The following PCDH12 variants were observed in gnomAD, a reference collection of about 807,000 sequenced individuals.
PCDH12 encodes the protein protocadherin-12.
Under a neutral mutation model 70.9 loss-of-function variants are expected in PCDH12, and 45 were observed. The observed-to-expected ratio is 0.63, with a 90% CI of 0.50 to 0.81. PCDH12 has a LOEUF of 0.81. PCDH12 is among the 40% of genes least tolerant of loss of function. The probability of loss-of-function intolerance (pLI) is 0.00; values close to 1 mark genes in which losing one functional copy is unlikely to be tolerated. For missense variants in PCDH12, 1,370 were observed against 1,491.7 expected (o/e 0.92, Z 1.34); for synonymous variants, 567 against 626.0 (o/e 0.91, Z 1.41).
intron 2 of PCDH12, among the ~76,000 whole-genome samples, chr5:141,951,244 C>T (rs1280073703): frequency 6.6e-6 from 1 of 152,212 alleles, no homozygotes; most frequent in African/African-American, 2.4e-5. Context: ...TCCTTGGTGA[C>T]TACTGTATTG....
intron 2 of PCDH12, among the ~76,000 whole-genome samples, chr5:141,950,848 TG>T (rs1386583576): frequency 2.6e-5 from 4 of 152,226 alleles, no homozygotes; most frequent in South Asian, 2.1e-4. Flanking sequence ...TGTCAGTTGC[TG>T]GGCTATGGGC....
chr5:141,954,988 T>C lies in PCDH12; in HGVS notation c.2864A>G (p.Asp955Gly). The change falls in exon 1 of 4, where the codon GAT (aspartate) becomes GGT (glycine). Residue 955 changes from aspartate (D) to glycine (G), a missense_variant. Transcript: ENST00000231484. The stretch of plus-strand genomic sequence containing the variant: ...CCCAGGTACCTGAACAGGAGGAGAA[T>C]CCACAGTGAGCTCCTCCACGGGGTT... ...ERNPVEELTV[D>G]SPPVQQISQL... is the part of the protein sequence containing the mutation. 3 of 1,612,374 alleles carry C rather than the reference T, an allele frequency of 1.9e-6. No individual in the cohort carries two copies. The highest frequency in any genetic ancestry group is 2.5e-6 in the Non-Finnish European group (3 of 1,178,754).
rs529104194 is a variant in PCDH12 at position 141,954,844 on chromosome 5, A to C, written c.2880+128T>G. ...GCTGTGCCCTGAACCATTGCTACCCAAAGCATCAGAAAGTGCCAGGTGAGC... is the reference window on the plus strand; with the variant it reads ...GCTGTGCCCTGAACCATTGCTACCCCAAGCATCAGAAAGTGCCAGGTGAGC... On this transcript the variant is annotated intron_variant, in intron 1 of 3. Coordinates refer to ENST00000231484, the MANE Select transcript of PCDH12 (RefSeq NM_016580.4). 8.7e-6 allele frequency: 11 copies of C among 1,261,928 alleles called. No individual in the cohort carries two copies. The South Asian group carries it at 1.5e-4, about 17-fold the overall frequency. The allele number at this position is 1,261,928 out of a possible 1,614,324, so 78.2% of individuals were successfully genotyped here.
rs1377197552 is a variant in PCDH12, at chr5:141,955,237, G to A, written c.2615C>T (p.Thr872Ile). 5 of 1,614,248 alleles carry A rather than the reference G, an allele frequency of 3.1e-6. No homozygotes were observed. Among genetic ancestry groups the A allele is most frequent in the Non-Finnish European group, 4.2e-6 (5 of 1,180,040 alleles). ...NLNLPEPQPA[T>I]GQPRSRPLKV... is the part of the protein sequence containing the mutation. ...CAGAGGCCTGGAACGTGGCTGGCCT[G>A]TGGCAGGCTGGGGCTCGGGAAGGTT... Residue 872 changes from threonine to isoleucine, a missense_variant, in exon 1 of 4, where the codon ACA becomes ATA. Coordinates refer to ENST00000231484, the MANE Select transcript of PCDH12 (RefSeq NM_016580.4). This position sits in a 1 kb window ranked among gnomAD's most constrained non-coding sequence, Gnocchi z 5.5.
chr5:141,951,914 C>T (rs1253379056), intron 1 of PCDH12, among the ~76,000 whole-genome samples: 1 of 152,218 alleles, frequency 6.6e-6, no homozygotes, highest in Non-Finnish European at 1.5e-5. Context: ...CATTTCCTGA[C>T]CATCAATTTG....
Position 141,955,719 on chromosome 5 carries a change from G to A in PCDH12, c.2133C>T (p.Ala711=), listed in dbSNP as rs164074. The A allele has an allele frequency of 0.55, 883,811 of 1,613,270 alleles. 247,912 individuals are homozygous for A. Among genetic ancestry groups the A allele is most frequent in the East Asian group, 0.84 (37,857 of 44,850 alleles). ...HLRDSARKPG[A]LSMSMLTVIC... Reference sequence around the variant, plus strand: ...TCACCGTCAGCATCGACATGCTCAAGGCCCCAGGCTTGCGGGCTGAGTCCC... The same window carrying A: ...TCACCGTCAGCATCGACATGCTCAAAGCCCCAGGCTTGCGGGCTGAGTCCC... Residue 711 remains alanine, a synonymous_variant, in exon 1 of 4, where the codon GCC becomes GCT. Coordinates refer to ENST00000231484, the MANE Select transcript of PCDH12 (RefSeq NM_016580.4). The surrounding 1 kb of genome is among the most constrained non-coding windows in gnomAD (Gnocchi z 5.5).
intron 1 of PCDH12, chr5:141,952,812 G>A (rs1395809754): frequency 1.3e-5 from 2 of 152,252 alleles, no homozygotes; most frequent in African/African-American, 4.8e-5. Flanking sequence ...GCAAAAGCAA[G>A]GAGTTTGCAC....
chr5:141,957,491 C>G lies in PCDH12; in HGVS notation c.361G>C (p.Val121Leu). The G allele has an allele frequency of 6.2e-7, 1 of 1,613,748 alleles. No homozygotes were observed. The highest frequency in any genetic ancestry group is 8.5e-7 in the Non-Finnish European group (1 of 1,179,802). Residue 121 changes from valine to leucine, a missense_variant, in exon 1 of 4, where the codon GTG (valine) becomes CTG (leucine). Val to Leu is a conservative substitution (Grantham distance 32, BLOSUM62 1). Transcript: ENST00000231484. The surrounding 1 kb of genome is among the most constrained non-coding windows in gnomAD (Gnocchi z 4.3). ...LATGDLALIH[V>L]EIQVLDINDH... ...TTGATGTCCAGCACTTGGATCTCCACATGGATCAGAGCCAAATCCCCTGTG... is the reference window on the plus strand; with the variant it reads ...TTGATGTCCAGCACTTGGATCTCCAGATGGATCAGAGCCAAATCCCCTGTG...
Position 141,945,584 on chromosome 5 carries a change from C to G in PCDH12, c.3352G>C (p.Glu1118Gln), listed in dbSNP as rs912904678. Residue 1118 changes from glutamate (E) to glutamine (Q), a missense_variant, in exon 4 of 4, where the codon GAG (glutamate) becomes CAG (glutamine). Coordinates refer to ENST00000231484, the MANE Select transcript of PCDH12 (RefSeq NM_016580.4). The stretch of plus-strand genomic sequence containing the variant: ...CTGGAGCGCTGTTCCAGCAGCATCT[C>G]CAGCAGTGAGCTCATCTCCGAGACA... ...TFVSEMSSLL[E>Q]MLLEQRSSMP... is the part of the protein sequence containing the mutation. 1.9e-6 allele frequency: 3 copies of G among 1,614,040 alleles called. No homozygotes were observed. The highest frequency in any genetic ancestry group is 1.7e-5 in the Admixed American group (1 of 60,016).
intron 2 of PCDH12, among the ~76,000 whole-genome samples, chr5:141,949,973 T>C (rs570026169): frequency 6.6e-6 from 1 of 152,330 alleles, no homozygotes; most frequent in Non-Finnish European, 1.5e-5. Context: ...TAAACCTCAG[T>C]GGAGCCAGTG....
At chr5:141,954,308 G>A (rs1753139291) in intron 1 of PCDH12, among the ~76,000 whole-genome samples, 2 of 152,350 alleles carry the variant, frequency 1.3e-5, no homozygotes, top group South Asian at 4.1e-4. Context: ...GGGTTTGGGT[G>A]CAATGATGCC....
chr5:141,957,454 G>A lies in PCDH12; in HGVS notation c.398C>T (p.Pro133Leu). The stretch of plus-strand genomic sequence containing the variant: ...CTCCTGCTCGCCTTTGGGAAACCGT[G>A]GCTGGTGGTCATTGATGTCCAGCAC... Reference protein sequence around the residue: ...IQVLDINDHQPRFPKGEQELE... With the variant: ...IQVLDINDHQLRFPKGEQELE... Residue 133 changes from proline (P) to leucine (L), a missense_variant, in exon 1 of 4, where the codon CCA becomes CTA. By Grantham distance (98) the Pro-to-Leu change is moderately conservative. Transcript: ENST00000231484. This position sits in a 1 kb window ranked among gnomAD's most constrained non-coding sequence, Gnocchi z 4.3. The A allele has an allele frequency of 1.2e-6, 2 of 1,612,654 alleles. No homozygotes were observed. Among genetic ancestry groups the A allele is most frequent in the Non-Finnish European group, 1.7e-6 (2 of 1,179,238 alleles).
In PCDH12 at chr5:141,945,335, A is replaced by G. The variant is rs1474952720; in HGVS notation, c.*46T>C. ...TTTAGAAACCAGCTCTTGTCCACAG[A>G]TCCTCAGGCCCCTGGTTCTTGGATC... On this transcript the variant is annotated 3_prime_UTR_variant, in exon 4 of 4. Coordinates refer to ENST00000231484, the MANE Select transcript of PCDH12 (RefSeq NM_016580.4). 6.5e-7 allele frequency: 1 copy of G among 1,549,502 alleles called. No individual in the cohort carries two copies. The highest frequency in any genetic ancestry group is 8.7e-7 in the Non-Finnish European group (1 of 1,150,674).
rs767990575 is a variant in PCDH12 at position 141,955,732 on chromosome 5, C to T, written c.2120G>A (p.Arg707His). Residue 707 changes from arginine (R) to histidine (H), a missense_variant, in exon 1 of 4, where the codon CGC (arginine) becomes CAC (histidine). By Grantham distance (29) the Arg-to-His change is conservative. Transcript: ENST00000231484. This position sits in a 1 kb window ranked among gnomAD's most constrained non-coding sequence, Gnocchi z 5.5. ...TSVDHLRDSA[R>H]KPGALSMSML... is the part of the protein sequence containing the mutation. The stretch of plus-strand genomic sequence containing the variant: ...CGACATGCTCAAGGCCCCAGGCTTG[C>T]GGGCTGAGTCCCTCAGGTGGTCCAC... The T allele has an allele frequency of 2.1e-5, 34 of 1,613,932 alleles. No individual in the cohort carries two copies. Among genetic ancestry groups the T allele is most frequent in the Middle Eastern group, 1.6e-4 (1 of 6,084 alleles).
At chr5:141,954,122 GA>G (rs3838246) in intron 1 of PCDH12, among the ~76,000 whole-genome samples, 82,143 of 151,998 alleles carry the variant, frequency 0.54, 22,679 homozygotes, top group East Asian at 0.83. Flanking sequence ...TATAGATGAG[GA>G]AAATGAGGCT....
At chr5:141,948,159 C>T (rs950627365) in intron 3 of PCDH12, among the ~76,000 whole-genome samples, 8 of 152,218 alleles carry the variant, frequency 5.3e-5, no homozygotes, top group African/African-American at 7.2e-5. Context: ...TAACCATCCA[C>T]GAGCTGCACA....
Position 141,955,421 on chromosome 5 carries a change from A to G in PCDH12, c.2431T>C (p.Cys811Arg), listed in dbSNP as rs1415621410. ...GTGAGGTGGAAGGGGGCCTGCAGGC[A>G]GGGGTCCCAGCCTGCTTCCATCATC... is the stretch of plus-strand genomic sequence containing the variant. ...EAMMEAGWDP[C>R]LQAPFHLTPT... is the part of the protein sequence containing the mutation. The change falls in exon 1 of 4, where the codon TGC becomes CGC. Residue 811 changes from cysteine to arginine, a missense_variant. By Grantham distance (180) the Cys-to-Arg change is radical (BLOSUM62 -3). Transcript: ENST00000231484. This position sits in a 1 kb window ranked among gnomAD's most constrained non-coding sequence, Gnocchi z 5.5. 6.2e-7 allele frequency: 1 copy of G among 1,613,986 alleles called. No homozygotes were observed. The highest frequency in any genetic ancestry group is 2.2e-5 in the East Asian group (1 of 44,860).
At position 141,955,512 on chromosome 5, in the gene PCDH12, C is replaced by T. The variant is rs1028604061; in HGVS notation, c.2340G>A (p.Val780=). 1 of 1,614,078 alleles carries T rather than the reference C, an allele frequency of 6.2e-7. No homozygotes were observed. The highest frequency in any genetic ancestry group is 1.3e-5 in the African/African-American group (1 of 74,942). Reference sequence around the variant, plus strand: ...AAGGCTCACCTGCCTGACCCCTGAGCACAGGCACGAGGTGGATGTCTGCCT... The same window carrying T: ...AAGGCTCACCTGCCTGACCCCTGAGTACAGGCACGAGGTGGATGTCTGCCT... The part of the protein sequence containing the change: ...IQKADIHLVP[V]LRGQAGEPCE... Residue 780 remains valine, a synonymous_variant, in exon 1 of 4, where the codon GTG becomes GTA. Coordinates refer to ENST00000231484, the MANE Select transcript of PCDH12 (RefSeq NM_016580.4). The surrounding 1 kb of genome is among the most constrained non-coding windows in gnomAD (Gnocchi z 5.5).
At chr5:141,951,663 C>T (rs905882496) in intron 1 of PCDH12, 73 bp from the exon 2 acceptor site, 4 of 1,070,854 alleles carry the variant, frequency 3.7e-6, no homozygotes, top group African/African-American at 1.6e-5. Context: ...ATGTTTCCCT[C>T]AATGCCGGTG....
Sources: gnomAD v4.1 joint callset for allele counts (sites outside exome capture counted in the v4.1 genomes callset) on GRCh38, gnomAD v4.1.1 for gene constraint, Gnocchi (gnomAD v3.1) non-coding constraint, MANE v1.5 for transcripts, NCBI Gene and HGNC (gene_info 2026-07-23, HGNC 2026-07-21) for gene names.